UGT2B7: variants seen among roughly 807,000 people sequenced by gnomAD.
UGT2B7 encodes UDP glucuronosyltransferase family 2 member B7.
UGT2B7 carries 51 observed loss-of-function variants against 51.9 expected under a neutral mutation model. The observed-to-expected ratio is 0.98, with a 90% confidence interval of 0.78 to 1.24. The LOEUF (loss-of-function observed/expected upper bound fraction) is 1.24, where lower values mean the gene tolerates loss of function less well. Ranked by LOEUF, UGT2B7 falls within the 50% of genes most tolerant of loss-of-function variation. UGT2B7 has a pLI of 0.00. For missense variants in UGT2B7, 727 were observed against 628.4 expected, an observed-to-expected ratio of 1.16 and a Z score of -1.68; for synonymous variants, 225 against 211.6, an observed-to-expected ratio of 1.06 and a Z score of -0.55.
intron 1 of UGT2B7, among the ~76,000 whole-genome samples, chr4:69,054,252 A>T (rs568474587): frequency 6.6e-6 from 1 of 152,194 alleles, no homozygotes; most frequent in South Asian, 2.1e-4. Flanking sequence ...GTTTTAACTC[A>T]GACTGTGGGG....
At chr4:69,064,202 C>T (rs759984482) in intron 1 of UGT2B7, among the ~76,000 whole-genome samples, 2 of 152,292 alleles carry the variant, frequency 1.3e-5, no homozygotes, top group South Asian at 2.1e-4. Flanking sequence ...GACGCAGCAA[C>T]GGGTGCAGCC....
chr4:69,076,591 G>A (rs1164152727), intron 1 of UGT2B7, among the ~76,000 whole-genome samples: 3 of 152,172 alleles, frequency 2.0e-5, no homozygotes, highest in Non-Finnish European at 4.4e-5. Context: ...CTTTTGAGAA[G>A]TGTCTGTTCA....
At chr4:69,082,139 G>C (rs1718851206) in intron 1 of UGT2B7, among the ~76,000 whole-genome samples, 1 of 151,960 alleles carries the variant, frequency 6.6e-6, no homozygotes, top group Non-Finnish European at 1.5e-5. Context: ...CTTAATAAAT[G>C]GGTGTCTCCT....
At chr4:69,094,428 G>A (rs1349704505), upstream of UGT2B7, among the ~76,000 whole-genome samples, 2 of 29,200 alleles carry the variant, frequency 6.8e-5, 1 homozygote, top group Non-Finnish European at 1.0e-4. Context: ...GATTACAGGC[G>A]TGAGCCACCG....
intron 2 of UGT2B7, among the ~76,000 whole-genome samples, chr4:69,090,644 C>A (rs549704453): frequency 4.6e-5 from 7 of 152,168 alleles, no homozygotes; most frequent in African/African-American, 1.7e-4. Flanking sequence ...CATCAAGTCC[C>A]TCCTACAACA....
intron 1 of UGT2B7, among the ~76,000 whole-genome samples, chr4:69,080,367 G>C (rs1369431994): frequency 6.6e-6 from 1 of 151,936 alleles, no homozygotes; most frequent in Non-Finnish European, 1.5e-5. Context: ...GGACAATGCG[G>C]TAAAACTCCG....
Position 69,098,586 on chromosome 4 carries a change from G to T in UGT2B7, c.768G>T (p.Trp256Cys), listed in dbSNP as rs1194824336. The change falls in exon 2 of 6, where the codon TGG becomes TGT. Residue 256 changes from tryptophan (W) to cysteine (C), a missense_variant. Coordinates refer to ENST00000305231, the MANE Select transcript of UGT2B7 (RefSeq NM_001074.4). ...LSETMGKADV[W>C]LIRNSWNFQF... ...AGACAATGGGGAAAGCTGACGTATG[G>T]CTTATTCGAAACTCCTGGAATTTTC... 1 of 1,611,946 alleles carries T rather than the reference G, an allele frequency of 6.2e-7. No individual in the cohort carries two copies. The highest frequency in any genetic ancestry group is 1.3e-5 in the African/African-American group (1 of 74,738).
At chr4:69,054,168 G>A (rs1366810688) in intron 1 of UGT2B7, among the ~76,000 whole-genome samples, 1 of 151,444 alleles carries the variant, frequency 6.6e-6, no homozygotes, top group African/African-American at 2.4e-5. Flanking sequence ...AACTCATGTC[G>A]GCCCCAGCCC....
At chr4:69,062,348 CA>C (rs1327434441) in intron 1 of UGT2B7, among the ~76,000 whole-genome samples, 1 of 152,132 alleles carries the variant, frequency 6.6e-6, no homozygotes, top group Non-Finnish European at 1.5e-5. Context: ...TTTAAGAAGG[CA>C]AATGCAGGCT....
intron 1 of UGT2B7, among the ~76,000 whole-genome samples, chr4:69,069,468 T>C (rs1333435879): frequency 6.6e-6 from 1 of 152,108 alleles, no homozygotes; most frequent in East Asian, 1.9e-4. Flanking sequence ...ATCTTATGCA[T>C]GAAACAAATT....
At chr4:69,065,857 T>C (rs563875459) in intron 1 of UGT2B7, among the ~76,000 whole-genome samples, 5 of 144,910 alleles carry the variant, frequency 3.5e-5, no homozygotes, top group African/African-American at 1.3e-4. Context: ...TTAGTAATTT[T>C]TTAATCTTCT....
At chr4:69,105,167 T>C (rs772800216) in intron 3 of UGT2B7, among the ~76,000 whole-genome samples, 6 of 151,700 alleles carry the variant, frequency 4.0e-5, no homozygotes, top group African/African-American at 1.2e-4. Context: ...GATTAACAAC[T>C]CCTCCCAATG....
intron 1 of UGT2B7, among the ~76,000 whole-genome samples, chr4:69,087,916 CT>C (rs1560505814): frequency 6.6e-6 from 1 of 151,782 alleles, no homozygotes; most frequent in Non-Finnish European, 1.5e-5. Context: ...TAGGATGTGC[CT>C]TTGGGAAATA....
intron 5 of UGT2B7, among the ~76,000 whole-genome samples, chr4:69,110,749 G>T (rs1315210061): frequency 6.6e-6 from 1 of 152,138 alleles, no homozygotes; most frequent in Non-Finnish European, 1.5e-5. Flanking sequence ...CAGAAAAAGA[G>T]AGTTATTCTA....
upstream of UGT2B7, among the ~76,000 whole-genome samples, chr4:69,096,279 TAG>T (rs1719220180): frequency 1.3e-5 from 2 of 152,190 alleles, no homozygotes; most frequent in Non-Finnish European, 2.9e-5. Context: ...TCCTTGATAT[TAG>T]CTGAAGGATA....
chr4:69,099,398 TATTTATTAAGCAC>T (rs1719355308), intron 2 of UGT2B7, among the ~76,000 whole-genome samples: 1 of 151,796 alleles, frequency 6.6e-6, no homozygotes, highest in African/African-American at 2.4e-5. Flanking sequence ...GGAGTTGAAA[TATTTATTAAGCAC>T]ATTGAAAAAC....
intron 1 of UGT2B7, among the ~76,000 whole-genome samples, chr4:69,064,019 G>GGAAAGAAAGAAAGAAGAAAGAAA (rs1718415570): frequency 1.7e-5 from 1 of 60,152 alleles, no homozygotes; most frequent in East Asian, 4.0e-4. Context: ...AGATGAGATG[G>GGAAAGAAAGAAAGAAGAAAGAAA]GAAAGAAAGA....
intron 2 of UGT2B7, among the ~76,000 whole-genome samples, chr4:69,090,196 A>C (rs7657423): frequency 0.58 from 87,735 of 152,048 alleles, 26,320 homozygotes; most frequent in African/African-American, 0.71. Context: ...GATTTCCACT[A>C]TTTGGGTAGT....
chr4:69,096,371 C>G, upstream of UGT2B7: 4 of 1,257,734 alleles, frequency 3.2e-6, no homozygotes, highest in Non-Finnish European at 4.4e-6. Flanking sequence ...TTGCCATCCA[C>G]ATGCTCAGAC....
Sources: allele counts gnomAD v4.1 joint callset (sites outside exome capture counted in the v4.1 genomes callset), GRCh38; gene constraint gnomAD v4.1.1; transcripts MANE v1.5; gene names NCBI Gene and HGNC (gene_info 2026-07-23, HGNC 2026-07-21).